The following TTC23L variants were observed in gnomAD, a reference collection of about 807,000 sequenced individuals.
The protein encoded by TTC23L is tetratricopeptide repeat protein 23-like.
In TTC23L, 42 loss-of-function variants were observed where a neutral mutation model predicts 48.1. The ratio of observed to expected loss-of-function variants is 0.87; its 90% confidence interval spans 0.68 to 1.13. The LOEUF (loss-of-function observed/expected upper bound fraction) is 1.13, where lower values mean the gene tolerates loss of function less well. TTC23L is among the 50% of genes most tolerant of loss of function. TTC23L has a pLI of 0.00. For missense variants in TTC23L, 391 were observed against 421.0 expected, an observed-to-expected ratio of 0.93 and a Z score of 0.62; for synonymous variants, 159 against 157.2, an observed-to-expected ratio of 1.01 and a Z score of -0.09.
chr5:34,873,712 C>G (rs1761635690), intron 8 of TTC23L, among the ~76,000 whole-genome samples: 1 of 152,154 alleles, frequency 6.6e-6, no homozygotes, highest in South Asian at 2.1e-4. Context: ...ATGAGCTCTC[C>G]CCACATCCCT....
chr5:34,861,563 TA>T (rs1169694113), intron 4 of TTC23L: 1 of 152,238 alleles, frequency 6.6e-6, no homozygotes, highest in Non-Finnish European at 1.5e-5. Context: ...GGGTCACCTT[TA>T]GAACTCTCCC....
intron 4 of TTC23L, among the ~76,000 whole-genome samples, chr5:34,860,144 G>A (rs1208799963): frequency 6.6e-6 from 1 of 151,950 alleles, no homozygotes; most frequent in East Asian, 1.9e-4. Flanking sequence ...ACTGTGCCCG[G>A]GCTGCTTATA....
rs964056508 is a variant in TTC23L at position 34,862,882 on chromosome 5, C to G, written c.380-16C>G. On this transcript the variant is annotated splice_polypyrimidine_tract_variant and intron_variant, in intron 4 of 10. Coordinates refer to ENST00000505624, the Ensembl canonical transcript of TTC23L. Reference sequence around the variant, plus strand: ...TAATGTCTGTCTTCTTGCTCCTCACCCTCTAACTCCCCCAGGCCTCCCAGT... The same window carrying G: ...TAATGTCTGTCTTCTTGCTCCTCACGCTCTAACTCCCCCAGGCCTCCCAGT... The G allele has an allele frequency of 1.2e-6, 2 of 1,613,178 alleles. No homozygotes were observed. The highest frequency in any genetic ancestry group is 2.7e-5 in the African/African-American group (2 of 74,864).
chr5:34,906,756 CAG>C, the TTC23L span: 1 of 152,180 alleles, frequency 6.6e-6, no homozygotes, highest in Non-Finnish European at 1.5e-5. Context: ...TTTCATCTAA[CAG>C]AGTTACTAAA....
chr5:34,909,394 A>G, the TTC23L span: 6 of 1,400,314 alleles, frequency 4.3e-6, no homozygotes, highest in South Asian at 7.1e-5. Flanking sequence ...CATTCATCCA[A>G]AAATAAACCA....
chr5:34,900,693 G>C (rs1316617590), downstream of TTC23L, among the ~76,000 whole-genome samples: 1 of 152,160 alleles, frequency 6.6e-6, no homozygotes, highest in African/African-American at 2.4e-5. Context: ...TCTACTTCTT[G>C]AGAACACTTC....
chr5:34,903,174 T>C (rs937427541), downstream of TTC23L, among the ~76,000 whole-genome samples: 9 of 152,182 alleles, frequency 5.9e-5, no homozygotes, highest in South Asian at 4.1e-4. Flanking sequence ...TTTTTCTTTA[T>C]TGTCAGTGTA....
intron 8 of TTC23L, among the ~76,000 whole-genome samples, chr5:34,875,782 C>G (rs986687729): frequency 6.6e-6 from 1 of 152,100 alleles, no homozygotes; most frequent in Non-Finnish European, 1.5e-5. Context: ...CACCATCAAT[C>G]AACTTAATAA....
At chr5:34,900,499 CAA>C (rs766643483), downstream of TTC23L, among the ~76,000 whole-genome samples, 5 of 116,046 alleles carry the variant, frequency 4.3e-5, no homozygotes, top group Admixed American at 9.2e-5. Context: ...AGACCCTGTT[CAA>C]AAAAAAAAAA....
intron 4 of TTC23L, among the ~76,000 whole-genome samples, chr5:34,862,690 C>G (rs1760766447): frequency 6.6e-6 from 1 of 152,146 alleles, no homozygotes; most frequent in South Asian, 2.1e-4. Context: ...TAGAGATTCC[C>G]CACTCAGTAG....
chr5:34,840,636 C>T (rs1344836788), intron 1 of TTC23L, 29 bp from the exon 2 acceptor site: 1 of 1,605,758 alleles, frequency 6.2e-7, no homozygotes, highest in Admixed American at 1.7e-5. Flanking sequence ...CCTTTTCTCT[C>T]AAAGCTGACC....
chr5:34,918,817 C>CTTTTTTTTTTTTTTT, the TTC23L span: 1 of 132,334 alleles, frequency 7.6e-6, no homozygotes, highest in Non-Finnish European at 1.6e-5. Context: ...CTTTTTGGGC[C>CTTTTTTTTTTTTTTT]TTTTTTTTTT....
intron 4 of TTC23L, chr5:34,861,112 T>C (rs1267586155): frequency 6.6e-6 from 1 of 152,334 alleles, no homozygotes; most frequent in South Asian, 2.1e-4. Flanking sequence ...GGACTTCAGG[T>C]GCACACCACC....
intron 9 of TTC23L, among the ~76,000 whole-genome samples, chr5:34,884,328 A>C (rs1342868824): frequency 6.6e-6 from 1 of 152,230 alleles, no homozygotes; most frequent in Non-Finnish European, 1.5e-5. Context: ...TGAAAAACTG[A>C]AAGCTTTTCC....
At position 34,850,175 on chromosome 5, in the gene TTC23L, T is replaced by TA; in HGVS notation, c.256-9dup. The TA allele has an allele frequency of 6.2e-7, 1 of 1,613,678 alleles. No homozygotes were observed. Among genetic ancestry groups the TA allele is most frequent in the Non-Finnish European group, 8.5e-7 (1 of 1,179,676 alleles). On this transcript the variant is annotated splice_polypyrimidine_tract_variant and intron_variant, in intron 3 of 10. Transcript: ENST00000505624. ...TTTCCAAAAAGTATAATCACTTCTG[T>TA]ACTCTACAGAATACTCAAGCAAACA...
chr5:34,857,510 G>C (rs1760226649), intron 4 of TTC23L, among the ~76,000 whole-genome samples: 1 of 152,114 alleles, frequency 6.6e-6, no homozygotes, highest in Admixed American at 6.5e-5. Flanking sequence ...CCCACAAGAA[G>C]CCTGATACCT....
At chr5:34,918,120 T>C in the TTC23L span, 17 of 231,638 alleles carry the variant, frequency 7.3e-5, no homozygotes, top group African/African-American at 3.3e-4. Context: ...CTGGGCAACA[T>C]AGGGAGACTC....
intron 4 of TTC23L, among the ~76,000 whole-genome samples, chr5:34,854,243 T>C (rs1383047081): frequency 6.6e-6 from 1 of 152,180 alleles, no homozygotes; most frequent in Non-Finnish European, 1.5e-5. Flanking sequence ...GACTTTTTTG[T>C]TTGTTTTTCC....
chr5:34,906,371 G>A, the TTC23L span: 1 of 152,132 alleles, frequency 6.6e-6, no homozygotes, highest in African/African-American at 2.4e-5. Flanking sequence ...AGGCATGATA[G>A]CTCACGCCTG....
Sources: allele counts gnomAD v4.1 joint callset (sites outside exome capture counted in the v4.1 genomes callset), GRCh38; gene constraint gnomAD v4.1.1; transcripts MANE v1.5; gene names NCBI Gene and HGNC (gene_info 2026-07-23, HGNC 2026-07-21).